PCLO: variants seen among roughly 807,000 people sequenced by gnomAD.
PCLO encodes the protein protein piccolo.
In PCLO, 82 loss-of-function variants were observed where a neutral mutation model predicts 427.5. The ratio of observed to expected loss-of-function variants is 0.19; its 90% confidence interval spans 0.16 to 0.23. The LOEUF is 0.23. Ranked by LOEUF, PCLO falls within the 10% of genes least tolerant of loss-of-function variation. PCLO has a pLI of 1.00. For synonymous variants in PCLO, 2,357 were observed against 2,155.4 expected (o/e 1.09, Z -2.59); for missense variants, 6,239 against 6,115.9 (o/e 1.02, Z -0.67).
rs565081240 is a variant in PCLO, at chr7:83,032,567, T to G, written c.3301-66080A>C. On this transcript the variant is annotated intron_variant, in intron 3 of 24. Coordinates refer to ENST00000333891, the MANE Select transcript of PCLO (RefSeq NM_033026.6). ...GTATTCTCTTGCTATCTTTTTCTTC[T>G]CTGCCCTGAGCTCAGATATCTTCTG... is the stretch of plus-strand genomic sequence containing the variant. 9.1e-4 allele frequency among the ~76,000 whole-genome samples: 138 copies of G among 151,998 alleles called. 1 individual carries two copies. Among genetic ancestry groups the G allele is most frequent in the African/African-American group, 3.1e-3 (127 of 41,466 alleles).
intron 3 of PCLO, among the ~76,000 whole-genome samples, chr7:83,042,422 A>C (rs989139324): frequency 2.6e-5 from 4 of 152,204 alleles, no homozygotes; most frequent in Non-Finnish European, 5.9e-5. Context: ...ATAATTCTAC[A>C]TGTCTTTACC....
chr7:82,954,606 A>C lies in PCLO; in HGVS notation c.6347T>G (p.Leu2116Arg). Residue 2116 changes from leucine (L) to arginine (R), a missense_variant, in exon 5 of 25, where the codon CTT becomes CGT. Physicochemically the swap from Leu to Arg is moderately radical, Grantham distance 102 (BLOSUM62 -2). Around this residue, in one of 5 missense-constraint regions of PCLO, gnomAD observed 4,677 missense variants for 4,468.4 expected, o/e 1.05. Coordinates refer to ENST00000333891, the MANE Select transcript of PCLO (RefSeq NM_033026.6). ...LTSSVLSGAS[L>R]TDSTSSATLS... ...TGTTGCACTGCTGGTCGAATCTGTA[A>C]GAGACGCTCCTGAGAGAACACTTGA... The C allele has an allele frequency of 6.2e-7, 1 of 1,613,938 alleles. No individual in the cohort carries two copies. Among genetic ancestry groups the C allele is most frequent in the African/African-American group, 1.3e-5 (1 of 75,038 alleles).
chr7:83,025,288 C>T (rs1297469877), intron 3 of PCLO, among the ~76,000 whole-genome samples: 5 of 151,248 alleles, frequency 3.3e-5, no homozygotes, highest in South Asian at 2.1e-4. Context: ...AACCAAGGCT[C>T]GAGAACTACG....
At chr7:82,760,536 G>T in intron 24 of PCLO, 103 bp downstream of exon 24, 3 of 679,388 alleles carry the variant, frequency 4.4e-6, no homozygotes, top group Non-Finnish European at 6.8e-6. Context: ...CTTCTCAAAT[G>T]TCATATAGTG....
chr7:82,984,858 TG>T (rs1796224358), intron 3 of PCLO, among the ~76,000 whole-genome samples: 1 of 152,032 alleles, frequency 6.6e-6, no homozygotes, highest in African/African-American at 2.4e-5. Context: ...ATGATAACAC[TG>T]ATTATATTTT....
At chr7:82,933,522 G>A (rs2116348429) in intron 6 of PCLO, among the ~76,000 whole-genome samples, 1 of 151,956 alleles carries the variant, frequency 6.6e-6, no homozygotes, top group African/African-American at 2.4e-5. Flanking sequence ...TTACAAGTAT[G>A]GCTAAAGCAA....
At chr7:83,028,639 C>T (rs1210557120) in intron 3 of PCLO, among the ~76,000 whole-genome samples, 8 of 148,006 alleles carry the variant, frequency 5.4e-5, no homozygotes, top group East Asian at 2.0e-4. Context: ...AAAAAGAGCC[C>T]GCATCGCCAA....
Position 83,135,102 on chromosome 7 carries a change from A to T in PCLO, c.2448T>A (p.Phe816Leu). ...FPPTGEKVSP[F>L]DSKAIPRPAS... ...CAGGTCGAGGTATGGCTTTAGAATC[A>T]AATGGGCTGACTTTTTCCCCTGTTG... is the stretch of plus-strand genomic sequence containing the variant. The change falls in exon 3 of 25, where the codon TTT (phenylalanine) becomes TTA (leucine). Residue 816 changes from phenylalanine to leucine, a missense_variant. Phe to Leu is a conservative substitution (Grantham distance 22). Around this residue, in one of 5 missense-constraint regions of PCLO, gnomAD observed 4,677 missense variants for 4,468.4 expected, o/e 1.05. Transcript: ENST00000333891. 1 of 1,614,006 alleles carries T rather than the reference A, an allele frequency of 6.2e-7. No individual in the cohort carries two copies. Among genetic ancestry groups the T allele is most frequent in the South Asian group, 1.1e-5 (1 of 91,082 alleles).
At chr7:82,822,361 A>G in intron 20 of PCLO, 134 bp downstream of exon 20, 1 of 1,557,800 alleles carries the variant, frequency 6.4e-7, no homozygotes, top group Non-Finnish European at 8.7e-7. Context: ...TCGTTCTTAC[A>G]CAGACAAAGG....
chr7:83,054,092 A>G (rs1196344333), intron 3 of PCLO, among the ~76,000 whole-genome samples: 1 of 152,054 alleles, frequency 6.6e-6, no homozygotes, highest in Non-Finnish European at 1.5e-5. Context: ...AATTTTCAAT[A>G]GCCACTGCCA....
intron 3 of PCLO, among the ~76,000 whole-genome samples, chr7:83,093,494 T>TATATA (rs1366527152): frequency 0.015 from 1,049 of 70,430 alleles, 13 homozygotes; most frequent in African/African-American, 0.071. Flanking sequence ...ATATATATAT[T>TATATA]TTTTTTTTTT....
chr7:83,010,779 T>C (rs185179626), intron 3 of PCLO, among the ~76,000 whole-genome samples: 4 of 151,916 alleles, frequency 2.6e-5, no homozygotes. Context: ...TCTCCGCCTA[T>C]AATACATAAA....
chr7:82,949,859 T>A lies in PCLO; in HGVS notation c.10729A>T (p.Ser3577Cys). 1 of 1,613,780 alleles carries A rather than the reference T, an allele frequency of 6.2e-7. No homozygotes were observed. The highest frequency in any genetic ancestry group is 8.5e-7 in the Non-Finnish European group (1 of 1,179,838). Residue 3577 changes from serine to cysteine, a missense_variant, in exon 6 of 25, where the codon AGT becomes TGT. Transcript: ENST00000333891. Reference sequence around the variant, plus strand: ...GATGTGGCACTCAGATATTGAGGACTTTGTGTGTCTGAATCTGCTTCTGTT... The same window carrying A: ...GATGTGGCACTCAGATATTGAGGACATTGTGTGTCTGAATCTGCTTCTGTT... ...CQTEADSDTQ[S>C]PQYLSATSPP...
intron 6 of PCLO, among the ~76,000 whole-genome samples, chr7:82,946,856 T>C (rs1424516342): frequency 1.3e-5 from 2 of 152,178 alleles, no homozygotes; most frequent in Admixed American, 1.3e-4. Flanking sequence ...AGGAGCTGTT[T>C]AGAGAACTGA....
chr7:83,041,886 T>C (rs1788982337), intron 3 of PCLO, among the ~76,000 whole-genome samples: 1 of 152,280 alleles, frequency 6.6e-6, no homozygotes, highest in Non-Finnish European at 1.5e-5. Flanking sequence ...TTGAATAATA[T>C]TAATATACGA....
chr7:83,139,645 T>G (rs1347933900), intron 2 of PCLO, among the ~76,000 whole-genome samples: 1 of 152,188 alleles, frequency 6.6e-6, no homozygotes, highest in Non-Finnish European at 1.5e-5. Flanking sequence ...AATTCTGCTT[T>G]TCTCCTAATA....
rs1469667825 is a variant in PCLO, at chr7:82,761,429, T to C, written c.15072A>G (p.Glu5024=). Residue 5024 remains glutamate, a synonymous_variant, in exon 23 of 25, where the codon GAA becomes GAG. Transcript: ENST00000333891. ...ATTGGAGAATTTCAACTATTAGTTG[T>C]TCACCATCTGTCTTCATTTCCTTCT... ...ALKKEMKTDG[E]QLIVEILQCR... is the part of the protein sequence containing the mutation. 4 of 1,583,860 alleles carry C rather than the reference T, an allele frequency of 2.5e-6. No homozygotes were observed. The highest frequency in any genetic ancestry group is 3.5e-6 in the Non-Finnish European group (4 of 1,158,192).
intron 3 of PCLO, among the ~76,000 whole-genome samples, chr7:83,063,275 A>G (rs189251997): frequency 7.9e-5 from 12 of 152,206 alleles, no homozygotes; most frequent in African/African-American, 2.6e-4. Context: ...AACCTGGAAT[A>G]GTGCCCATTA....
chr7:82,801,967 T>C (rs1420525540), intron 21 of PCLO, among the ~76,000 whole-genome samples: 1 of 152,060 alleles, frequency 6.6e-6, no homozygotes, highest in East Asian at 1.9e-4. Context: ...TATATTTTTA[T>C]ATGTTGTACT....
Sources: gnomAD v4.1 joint callset for allele counts (sites outside exome capture counted in the v4.1 genomes callset) on GRCh38, gnomAD v4.1.1 for gene constraint, gnomAD v4.1.1 regional missense constraint, MANE v1.5 for transcripts, NCBI Gene and HGNC (gene_info 2026-07-23, HGNC 2026-07-21) for gene names.